Variants in SH3GL3 observed in about 807,000 individuals in gnomAD.
The protein encoded by SH3GL3 is endophilin-A3.
In SH3GL3, 33 loss-of-function variants were observed where a neutral mutation model predicts 47.7. That is an observed-to-expected ratio of 0.69 (90% CI 0.52 to 0.92). The LOEUF (loss-of-function observed/expected upper bound fraction) is 0.92. Among genes scored for constraint, SH3GL3 ranks in the 40% least tolerant of loss-of-function variants. The probability of loss-of-function intolerance (pLI) is 0.00; values close to 1 mark genes in which losing one functional copy is unlikely to be tolerated. For missense variants in SH3GL3, 363 were observed against 417.8 expected (o/e 0.87, Z 1.14); for synonymous variants, 155 against 148.8 (o/e 1.04, Z -0.30).
chr15:83,589,686 T>C (rs981134966), intron 8 of SH3GL3, among the ~76,000 whole-genome samples: 1 of 152,214 alleles, frequency 6.6e-6, no homozygotes, highest in African/African-American at 2.4e-5. Context: ...CTTTTTTCTG[T>C]TTTTTAAATG....
At chr15:83,623,871 C>T in the SH3GL3 span, among the ~76,000 whole-genome samples, 483 of 152,208 alleles carry the variant, frequency 3.2e-3, 2 homozygotes, top group African/African-American at 0.011. Context: ...CTGCAACCTC[C>T]GCTTCCTGGG....
intron 1 of SH3GL3, among the ~76,000 whole-genome samples, chr15:83,463,678 C>T (rs2040413682): frequency 6.6e-6 from 1 of 151,842 alleles, no homozygotes; most frequent in Non-Finnish European, 1.5e-5. Context: ...AGGAGGAAAA[C>T]CTCCTTTGAT....
intron 1 of SH3GL3, among the ~76,000 whole-genome samples, chr15:83,526,065 T>C (rs1048155176): frequency 2.6e-5 from 4 of 152,194 alleles, no homozygotes; most frequent in African/African-American, 9.7e-5. Flanking sequence ...AAAAATGTCA[T>C]TGGTATTTTA....
chr15:83,476,227 G>A (rs1184339331), intron 1 of SH3GL3, among the ~76,000 whole-genome samples: 1 of 152,212 alleles, frequency 6.6e-6, no homozygotes, highest in Non-Finnish European at 1.5e-5. Context: ...AGTTTATACA[G>A]TTGGAAAGTG....
At chr15:83,474,029 T>C (rs2040978644) in intron 1 of SH3GL3, among the ~76,000 whole-genome samples, 1 of 152,060 alleles carries the variant, frequency 6.6e-6, no homozygotes, top group African/African-American at 2.4e-5. Flanking sequence ...AGTCTTCTTA[T>C]GTTTGTGTTC....
chr15:83,533,703 T>A (rs2151682384), intron 1 of SH3GL3, among the ~76,000 whole-genome samples: 1 of 152,090 alleles, frequency 6.6e-6, no homozygotes, highest in Non-Finnish European at 1.5e-5. Context: ...TACCCCAGAG[T>A]TTCTTGCCCT....
intron 1 of SH3GL3, among the ~76,000 whole-genome samples, chr15:83,545,623 AAT>A (rs1337624279): frequency 1.3e-5 from 2 of 152,168 alleles, no homozygotes; most frequent in Non-Finnish European, 2.9e-5. Flanking sequence ...TATTTATTCT[AAT>A]CTTCACAATC....
chr15:83,627,362 A>C, the SH3GL3 span, among the ~76,000 whole-genome samples: 1 of 149,198 alleles, frequency 6.7e-6, no homozygotes, highest in Non-Finnish European at 1.5e-5. Flanking sequence ...GCGCCACTGC[A>C]CTCCAGACTG....
chr15:83,610,837 A>G (rs1273479714), intron 8 of SH3GL3, among the ~76,000 whole-genome samples: 1 of 152,064 alleles, frequency 6.6e-6, no homozygotes, highest in Non-Finnish European at 1.5e-5. Context: ...GTAAACACTA[A>G]CACCTGAGAG....
chr15:83,496,996 C>T (rs1442948422), intron 1 of SH3GL3, among the ~76,000 whole-genome samples: 1 of 152,152 alleles, frequency 6.6e-6, no homozygotes, highest in African/African-American at 2.4e-5. Context: ...GCAAACCCCT[C>T]CCTCCACTAT....
intron 8 of SH3GL3, among the ~76,000 whole-genome samples, chr15:83,604,304 T>C (rs1025651585): frequency 6.6e-6 from 1 of 152,194 alleles, no homozygotes; most frequent in Non-Finnish European, 1.5e-5. Flanking sequence ...TGTCTCTATC[T>C]TTCCAGCTTG....
At chr15:83,609,190 T>C (rs1481834007) in intron 8 of SH3GL3, 1 of 443,050 alleles carries the variant, frequency 2.3e-6, no homozygotes, top group Non-Finnish European at 4.6e-6. Context: ...TTAGGGGTGC[T>C]GGGAAAGGGA....
intron 1 of SH3GL3, among the ~76,000 whole-genome samples, chr15:83,550,249 G>A (rs1173186149): frequency 6.6e-6 from 1 of 152,122 alleles, no homozygotes; most frequent in Non-Finnish European, 1.5e-5. Flanking sequence ...TTTGGCACAG[G>A]GCTTCTCAAA....
intron 1 of SH3GL3, among the ~76,000 whole-genome samples, chr15:83,501,112 T>C (rs1300900653): frequency 6.6e-6 from 1 of 152,236 alleles, no homozygotes; most frequent in Non-Finnish European, 1.5e-5. Flanking sequence ...TTTTTAGTGT[T>C]CCAAAGTTGT....
At chr15:83,587,381 C>T (rs1230652254) in intron 7 of SH3GL3, among the ~76,000 whole-genome samples, 2 of 152,022 alleles carry the variant, frequency 1.3e-5, no homozygotes, top group Non-Finnish European at 2.9e-5. Flanking sequence ...GTTGCTCTCC[C>T]ACCTGGGACA....
intron 8 of SH3GL3, among the ~76,000 whole-genome samples, chr15:83,589,950 T>C (rs1299126748): frequency 6.6e-6 from 1 of 152,182 alleles, no homozygotes; most frequent in African/African-American, 2.4e-5. Context: ...CCCATGCCAG[T>C]AGACTTCCAT....
At chr15:83,624,729 C>CT in the SH3GL3 span, among the ~76,000 whole-genome samples, 3 of 152,156 alleles carry the variant, frequency 2.0e-5, no homozygotes, top group Non-Finnish European at 4.4e-5. Context: ...GAGGCCAGGA[C>CT]TTTGAGACCA....
chr15:83,503,670 G>T (rs576112015), intron 1 of SH3GL3, among the ~76,000 whole-genome samples: 1 of 152,174 alleles, frequency 6.6e-6, no homozygotes, highest in Non-Finnish European at 1.5e-5. Flanking sequence ...TGGGATTCCA[G>T]TCCTGGAAAC....
At chr15:83,542,434 G>T (rs2044210502) in intron 1 of SH3GL3, among the ~76,000 whole-genome samples, 1 of 152,086 alleles carries the variant, frequency 6.6e-6, no homozygotes, top group African/African-American at 2.4e-5. Context: ...ATTTTGCTCA[G>T]GATGGCTTTG....
Sources: gnomAD v4.1 joint callset for allele counts (sites outside exome capture counted in the v4.1 genomes callset) on GRCh38, gnomAD v4.1.1 for gene constraint, MANE v1.5 for transcripts, NCBI Gene and HGNC (gene_info 2026-07-23, HGNC 2026-07-21) for gene names.